EPHA4: variants seen among roughly 807,000 people sequenced by gnomAD.
EPHA4 encodes the protein EPH receptor A4.
EPHA4 carries 19 observed loss-of-function variants against 108.3 expected under a neutral mutation model. That is an observed-to-expected ratio of 0.18 (90% confidence interval 0.12 to 0.26). The LOEUF (loss-of-function observed/expected upper bound fraction) is 0.26. Ranked by LOEUF, EPHA4 falls within the 10% of genes least tolerant of loss-of-function variation. The pLI is 1.00. For missense variants in EPHA4, 917 were observed against 1,254.0 expected (o/e 0.73, Z 4.06); for synonymous variants, 449 against 455.5 (o/e 0.99, Z 0.18).
At chr2:221,455,193 G>A (rs1690906405) in intron 8 of EPHA4, among the ~76,000 whole-genome samples, 1 of 152,192 alleles carries the variant, frequency 6.6e-6, no homozygotes, top group Non-Finnish European at 1.5e-5. Context: ...GCTCAAAATT[G>A]GGGCCCAAGT....
intron 2 of EPHA4, 88 bp downstream of exon 2, chr2:221,568,630 T>C: frequency 9.4e-7 from 1 of 1,059,300 alleles, no homozygotes; most frequent in Non-Finnish European, 1.4e-6. Flanking sequence ...CTCACCACAA[T>C]CAACAAGAAT....
At chr2:221,457,209 G>A (rs1024209327) in intron 6 of EPHA4, among the ~76,000 whole-genome samples, 1 of 152,114 alleles carries the variant, frequency 6.6e-6, no homozygotes, top group African/African-American at 2.4e-5. Context: ...TAATAAGGAA[G>A]CCAATAAGTG....
Position 221,429,973 on chromosome 2 carries a change from C to T in EPHA4, c.2675G>A (p.Gly892Glu), listed in dbSNP as rs1395369294. ...IRNPNSLKRT[G>E]TESSRPNTAL... is the part of the protein sequence containing the mutation. ...CATGGCTGACCTGGAGCTCTCCGTC[C>T]CTGTCCTCTTCAAGCTGTTGGGGTT... The change falls in exon 15 of 18, where the codon GGG (glycine) becomes GAG (glutamate). Residue 892 changes from glycine (G) to glutamate (E), a missense_variant. Physicochemically the swap from Gly to Glu is moderately conservative, Grantham distance 98. Coordinates refer to ENST00000281821, the MANE Select transcript of EPHA4 (RefSeq NM_004438.5). The T allele has an allele frequency of 6.2e-7, 1 of 1,614,050 alleles. No individual in the cohort carries two copies. Among genetic ancestry groups the T allele is most frequent in the Non-Finnish European group, 8.5e-7 (1 of 1,179,996 alleles).
intron 3 of EPHA4, among the ~76,000 whole-genome samples, chr2:221,525,104 T>G (rs1238661135): frequency 1.3e-5 from 2 of 152,212 alleles, no homozygotes; most frequent in Non-Finnish European, 2.9e-5. Context: ...GAAATTTCTA[T>G]TTCATAAAAG....
At chr2:221,542,758 A>G (rs1477298896) in intron 3 of EPHA4, among the ~76,000 whole-genome samples, 2 of 152,236 alleles carry the variant, frequency 1.3e-5, no homozygotes, top group African/African-American at 4.8e-5. Flanking sequence ...AGGAGACTAA[A>G]ATACATAACC....
intron 4 of EPHA4, among the ~76,000 whole-genome samples, chr2:221,497,050 TTTAA>T (rs1271796957): frequency 6.6e-5 from 7 of 105,720 alleles, no homozygotes; most frequent in African/African-American, 2.7e-4. Context: ...CATCAAGTAA[TTTAA>T]TTATGCACGC....
chr2:221,557,009 T>G (rs1045038184), intron 3 of EPHA4, among the ~76,000 whole-genome samples: 1 of 152,210 alleles, frequency 6.6e-6, no homozygotes, highest in Non-Finnish European at 1.5e-5. Context: ...TGTATTCAAC[T>G]TAATAACATT....
rs774050484 is a variant in EPHA4 at position 221,456,761 on chromosome 2, C to A, written c.1455G>T (p.Glu485Asp). Reference protein sequence around the residue: ...EVKYYEKDQNERSYRIVRTAA... With the variant: ...EVKYYEKDQNDRSYRIVRTAA... ...CTGTCCGAACTATACGATAGCTTCGCTCATTCTGATCCTACATCATGGCAA... is the reference window on the plus strand; with the variant it reads ...CTGTCCGAACTATACGATAGCTTCGATCATTCTGATCCTACATCATGGCAA... The change falls in exon 7 of 18, where the codon GAG becomes GAT. Residue 485 changes from glutamate (E) to aspartate (D), a missense_variant. By Grantham distance (45) the Glu-to-Asp change is conservative. Transcript: ENST00000281821. 6.2e-7 allele frequency: 1 copy of A among 1,613,762 alleles called. No homozygotes were observed. The highest frequency in any genetic ancestry group is 8.5e-7 in the Non-Finnish European group (1 of 1,179,770).
At chr2:221,502,567 TTC>T in intron 3 of EPHA4, 1 of 471,358 alleles carries the variant, frequency 2.1e-6, no homozygotes, top group Non-Finnish European at 4.4e-6. Flanking sequence ...AACTGCTTGA[TTC>T]TCTCTGGAGA....
At chr2:221,429,068 C>A (rs1476435819) in intron 15 of EPHA4, among the ~76,000 whole-genome samples, 1 of 152,132 alleles carries the variant, frequency 6.6e-6, no homozygotes, top group Admixed American at 6.5e-5. Context: ...GAAACAGAAG[C>A]CTGTGAGAAG....
At chr2:221,501,382 A>G in intron 3 of EPHA4, 1 of 426,438 alleles carries the variant, frequency 2.3e-6, no homozygotes. Context: ...GTCAGGTGTC[A>G]AGAAGTCCAA....
At chr2:221,514,374 G>C (rs1308021932) in intron 3 of EPHA4, among the ~76,000 whole-genome samples, 1 of 152,158 alleles carries the variant, frequency 6.6e-6, no homozygotes, top group Non-Finnish European at 1.5e-5. Context: ...ATGCACTCTT[G>C]TAGGGCACAA....
intron 3 of EPHA4, among the ~76,000 whole-genome samples, chr2:221,549,560 G>A (rs1694099998): frequency 6.6e-6 from 1 of 152,206 alleles, no homozygotes; most frequent in African/African-American, 2.4e-5. Context: ...GGGATATTAA[G>A]TATTTTCTCA....
chr2:221,511,474 C>T (rs1252798482), intron 3 of EPHA4, among the ~76,000 whole-genome samples: 1 of 150,140 alleles, frequency 6.7e-6, no homozygotes, highest in Admixed American at 6.6e-5. Flanking sequence ...ACCTCACTTC[C>T]GATTTCTGTA....
intron 3 of EPHA4, among the ~76,000 whole-genome samples, chr2:221,544,726 A>G (rs1450980598): frequency 6.6e-6 from 1 of 152,178 alleles, no homozygotes; most frequent in Admixed American, 6.5e-5. Context: ...CCCTAACCCC[A>G]CAATGTGACT....
intron 4 of EPHA4, among the ~76,000 whole-genome samples, chr2:221,484,446 C>A (rs1691920635): frequency 6.6e-6 from 1 of 152,166 alleles, no homozygotes; most frequent in Non-Finnish European, 1.5e-5. Flanking sequence ...GCTCCCCATC[C>A]TGTGAAACTT....
At chr2:221,445,254 T>C (rs1250452015) in intron 9 of EPHA4, among the ~76,000 whole-genome samples, 1 of 152,152 alleles carries the variant, frequency 6.6e-6, no homozygotes, top group Non-Finnish European at 1.5e-5. Context: ...AAAGTTCTAG[T>C]GGACAGCTCT....
At chr2:221,555,076 C>T (rs1385292072) in intron 3 of EPHA4, among the ~76,000 whole-genome samples, 3 of 152,138 alleles carry the variant, frequency 2.0e-5, no homozygotes, top group African/African-American at 7.2e-5. Context: ...AGGCTGGGTT[C>T]CTTTTCCAAA....
chr2:221,436,109 G>A (rs1690223921), intron 13 of EPHA4, among the ~76,000 whole-genome samples: 1 of 151,834 alleles, frequency 6.6e-6, no homozygotes, highest in African/African-American at 2.4e-5. Context: ...CCGTCTTATT[G>A]TTCATTAGCA....
Sources: allele counts gnomAD v4.1 joint callset (sites outside exome capture counted in the v4.1 genomes callset), GRCh38; gene constraint gnomAD v4.1.1; transcripts MANE v1.5; gene names NCBI Gene and HGNC (gene_info 2026-07-23, HGNC 2026-07-21).